The following ATAD3C variants were observed in gnomAD, a reference collection of about 807,000 sequenced individuals.
ATAD3C encodes the protein ATPase family AAA domain containing 3C, also known as ATPase family AAA domain-containing protein 3C.
A neutral mutation model predicts 46.3 loss-of-function variants in ATAD3C; 38 were observed. That is an observed-to-expected ratio of 0.82 (90% CI 0.63 to 1.08). The LOEUF is 1.08. Ranked by LOEUF, ATAD3C falls within the 50% of genes least tolerant of loss-of-function variation. ATAD3C has a pLI of 0.00. For synonymous variants in ATAD3C, 220 were observed against 236.4 expected (o/e 0.93, Z 0.63); for missense variants, 563 against 572.7 (o/e 0.98, Z 0.17).
chr1:1,463,773 C>CT (rs1639105634), intron 11 of ATAD3C, among the ~76,000 whole-genome samples: 1 of 151,796 alleles, frequency 6.6e-6, no homozygotes, highest in Admixed American at 6.6e-5. Context: ...TTAGCTAGAC[C>CT]TAGTGGTGCA....
chr1:1,455,925 G>T lies in ATAD3C; in HGVS notation c.564+9G>T. 6.2e-7 allele frequency: 1 copy of T among 1,612,774 alleles called. No homozygotes were observed. The highest frequency in any genetic ancestry group is 8.5e-7 in the Non-Finnish European group (1 of 1,179,626). On this transcript the variant is annotated intron_variant, in intron 6 of 11. Coordinates refer to ENST00000378785, the MANE Select transcript of ATAD3C (RefSeq NM_001039211.3). ...AGACGCTGTTTGCCAAGGTGAGAGT[G>T]CCTAGCTGAACAGGTGGGCCAGGGG... is the stretch of plus-strand genomic sequence containing the variant.
intron 4 of ATAD3C, among the ~76,000 whole-genome samples, chr1:1,454,911 G>C (rs1300455187): frequency 2.0e-5 from 3 of 151,890 alleles, no homozygotes; most frequent in Non-Finnish European, 4.4e-5. Flanking sequence ...GTCACTCGGT[G>C]GGTGGTTAAG....
At chr1:1,466,953 A>G (rs901296875) in intron 11 of ATAD3C, among the ~76,000 whole-genome samples, 2 of 152,010 alleles carry the variant, frequency 1.3e-5, no homozygotes, top group Non-Finnish European at 2.9e-5. Flanking sequence ...ATGTTTTGTG[A>G]ATTCACATGT....
intron 1 of ATAD3C, 122 bp from the exon 2 acceptor site, chr1:1,451,924 G>C (rs1461422601): frequency 6.8e-7 from 1 of 1,467,198 alleles, no homozygotes; most frequent in Non-Finnish European, 9.1e-7. Context: ...GGCGTCTGCA[G>C]GTCCCCAGGT....
intron 10 of ATAD3C, among the ~76,000 whole-genome samples, chr1:1,461,658 AGGCTCCTC>A (rs1639068047): frequency 6.6e-6 from 1 of 150,770 alleles, no homozygotes; most frequent in African/African-American, 2.5e-5. Flanking sequence ...CTGGAGGGAG[AGGCTCCTC>A]ATGAGACCCC....
chr1:1,459,312 G>T lies in ATAD3C; in HGVS notation c.812+81G>T. On this transcript the variant is annotated intron_variant, in intron 9 of 11. Coordinates refer to ENST00000378785, the MANE Select transcript of ATAD3C (RefSeq NM_001039211.3). The surrounding 1 kb of genome is among the most constrained non-coding windows in gnomAD (Gnocchi z 4.9). ...TTGGTTCCCACCGAGGGACCTGAGG[G>T]GCCCTGGCTCACAGTGCTGGGCAGC... 1 of 1,603,618 alleles carries T rather than the reference G, an allele frequency of 6.2e-7. No individual in the cohort carries two copies. Among genetic ancestry groups the T allele is most frequent in the Non-Finnish European group, 8.5e-7 (1 of 1,176,680 alleles).
At chr1:1,461,972 C>A (rs913989126) in intron 10 of ATAD3C, among the ~76,000 whole-genome samples, 1 of 152,076 alleles carries the variant, frequency 6.6e-6, no homozygotes, top group African/African-American at 2.4e-5. Context: ...GGGGCCCTGG[C>A]GCCTCACACT....
Position 1,453,643 on chromosome 1 carries a change from A to T in ATAD3C, c.223-702A>T, listed in dbSNP as rs1266037236. Among the ~76,000 whole-genome samples, 56 of 142,854 alleles carry T rather than the reference A, an allele frequency of 3.9e-4. No homozygotes were observed. In the East Asian group the frequency reaches 4.6e-3, roughly 12 times the overall value. 93.7% of individuals were successfully genotyped at this position (142,854 alleles called of 152,430 possible). A position where few individuals can be genotyped will look rare whatever the true frequency, so the allele number is the denominator to read the frequency against. On this transcript the variant is annotated intron_variant, in intron 3 of 11. Coordinates refer to ENST00000378785, the MANE Select transcript of ATAD3C (RefSeq NM_001039211.3). ...TGAGCCACCAGGCCTGGCATAAACC[A>T]TTTTTTTTTTTTTGAGATGGAGTTT...
Position 1,459,520 on chromosome 1 carries a change from T to C in ATAD3C, c.812+289T>C, listed in dbSNP as rs1018787747. Among the ~76,000 whole-genome samples the C allele has an allele frequency of 5.9e-5, 9 of 151,754 alleles. No homozygotes were observed. The highest frequency in any genetic ancestry group is 5.3e-4 in the Admixed American group (8 of 15,222). ...TCCCTCTGCCCCTAGGTTTCTGCGG[T>C]CCTGTGCCTGCAAGGGAGGTGGTCT... On this transcript the variant is annotated intron_variant, in intron 9 of 11. Transcript: ENST00000378785. The surrounding 1 kb of genome is among the most constrained non-coding windows in gnomAD (Gnocchi z 4.9).
chr1:1,450,669 C>G lies in ATAD3C; in HGVS notation c.-15C>G. 1 of 1,609,456 alleles carries G rather than the reference C, an allele frequency of 6.2e-7. No homozygotes were observed. Among genetic ancestry groups the G allele is most frequent in the South Asian group, 1.1e-5 (1 of 90,490 alleles). ...ATCCTAACACCTGCCCTCCGTGTCC[C>G]TGCATCTGCAGGCCATGTCAAAGGA... On this transcript the variant is annotated 5_prime_UTR_variant, in exon 1 of 12. Transcript: ENST00000378785.
intron 11 of ATAD3C, among the ~76,000 whole-genome samples, chr1:1,463,994 C>T (rs1054604299): frequency 6.6e-6 from 1 of 151,288 alleles, no homozygotes; most frequent in Non-Finnish European, 1.5e-5. Flanking sequence ...CACTTGAGGC[C>T]AGGAGTTCGA....
At chr1:1,452,457 G>A (rs1638879009) in intron 3 of ATAD3C, 23 bp downstream of exon 3, 2 of 1,613,556 alleles carry the variant, frequency 1.2e-6, no homozygotes, top group Admixed American at 1.7e-5. Flanking sequence ...ATAAAACAGG[G>A]CTGGCAGGTG....
chr1:1,466,813 G>C (rs978388362), intron 11 of ATAD3C, among the ~76,000 whole-genome samples: 10 of 151,866 alleles, frequency 6.6e-5, no homozygotes, highest in African/African-American at 2.4e-4. Context: ...GCTCATCAGG[G>C]ATATTGGCAT....
In ATAD3C at chr1:1,462,235, C is replaced by T. The variant is rs1639080582; in HGVS notation, c.981-365C>T. Among the ~76,000 whole-genome samples, 1 of 152,070 alleles carries T rather than the reference C, an allele frequency of 6.6e-6. No individual in the cohort carries two copies. The highest frequency in any genetic ancestry group is 1.5e-5 in the Non-Finnish European group (1 of 67,992). ...CCCCTTCCCTGGGCTCCCCGACACC[C>T]ATGGCTGCTCGTAGCTCTGGCACCA... On this transcript the variant is annotated intron_variant, in intron 10 of 11. Transcript: ENST00000378785. The surrounding 1 kb of genome is among the most constrained non-coding windows in gnomAD (Gnocchi z 4.5).
At chr1:1,453,161 G>A (rs1236530571) in intron 3 of ATAD3C, among the ~76,000 whole-genome samples, 3 of 152,064 alleles carry the variant, frequency 2.0e-5, no homozygotes, top group Admixed American at 6.6e-5. Context: ...TTGGTGAGAC[G>A]GTGTCACCTG....
In ATAD3C at chr1:1,464,909, T is replaced by G. The variant is rs143952358; in HGVS notation, c.1089+2201T>G. Among the ~76,000 whole-genome samples, 318 of 152,060 alleles carry G rather than the reference T, an allele frequency of 2.1e-3. 2 individuals carry two copies. The highest frequency in any genetic ancestry group is 7.2e-3 in the African/African-American group (300 of 41,522). On this transcript the variant is annotated intron_variant, in intron 11 of 11. Coordinates refer to ENST00000378785, the MANE Select transcript of ATAD3C (RefSeq NM_001039211.3). ...TTTTCTCTTTTTGTCTTTTTGAGAC[T>G]GAGTCTCGCTCTGTCGCCCAGGCTG...
chr1:1,464,616 C>T lies in ATAD3C; in HGVS notation c.1089+1908C>T, dbSNP rs184226265. 2.8e-3 allele frequency among the ~76,000 whole-genome samples: 431 copies of T among 151,736 alleles called. 8 individuals carry two copies. Among genetic ancestry groups the T allele is most frequent in the South Asian group, 6.3e-3 (30 of 4,776 alleles). ...TGAAACCCCGTCTCTACTAAAAATACGAAACTTAGCTGGGCGTGGTGGTGT... is the reference window on the plus strand; with the variant it reads ...TGAAACCCCGTCTCTACTAAAAATATGAAACTTAGCTGGGCGTGGTGGTGT... On this transcript the variant is annotated intron_variant, in intron 11 of 11. Coordinates refer to ENST00000378785, the MANE Select transcript of ATAD3C (RefSeq NM_001039211.3).
chr1:1,454,015 G>A (rs909020616), intron 3 of ATAD3C, among the ~76,000 whole-genome samples: 2 of 152,080 alleles, frequency 1.3e-5, no homozygotes, highest in African/African-American at 4.8e-5. Flanking sequence ...ACCATTTTTA[G>A]TGGCCAAGAA....
At chr1:1,458,373 C>T (rs1235544991) in intron 8 of ATAD3C, among the ~76,000 whole-genome samples, 1 of 151,668 alleles carries the variant, frequency 6.6e-6, no homozygotes, top group Non-Finnish European at 1.5e-5. Context: ...CCCCTGGGTT[C>T]AAGCAGTTCC....
Sources: gnomAD v4.1 joint callset for allele counts (sites outside exome capture counted in the v4.1 genomes callset) on GRCh38, gnomAD v4.1.1 for gene constraint, Gnocchi (gnomAD v3.1) non-coding constraint, MANE v1.5 for transcripts, NCBI Gene and HGNC (gene_info 2026-07-23, HGNC 2026-07-21) for gene names.